The following SDC1 variants were observed in gnomAD, a reference collection of about 807,000 sequenced individuals.
SDC1 encodes the protein syndecan 1, also known as syndecan-1.
SDC1 carries 14 observed loss-of-function variants against 29.7 expected under a neutral mutation model. That is an observed-to-expected ratio of 0.47 (90% CI 0.31 to 0.74). The LOEUF is 0.74. Among genes scored for constraint, SDC1 ranks in the 30% least tolerant of loss-of-function variants. The pLI, the probability that SDC1 is intolerant of heterozygous loss-of-function variation, is 0.05. For missense variants in SDC1, 406 were observed against 400.3 expected (o/e 1.01, Z -0.12); for synonymous variants, 204 against 175.5 (o/e 1.16, Z -1.29).
rs561168045 is a variant in SDC1 at position 20,201,347 on chromosome 2, G to T, written c.*1419C>A. The stretch of plus-strand genomic sequence containing the variant: ...AAACAAAAAAGCAAATACACAGAGG[G>T]ACCCTGGAACCAGAATCCCTCCCCA... On this transcript the variant is annotated 3_prime_UTR_variant, in exon 5 of 5. Transcript: ENST00000254351. 6.6e-6 allele frequency: 1 copy of T among 152,190 alleles called. No homozygotes were observed. Among genetic ancestry groups the T allele is most frequent in the African/African-American group, 2.4e-5 (1 of 41,438 alleles). The allele number at this position is 152,190 out of a possible 1,614,324, so 9.4% of individuals were successfully genotyped here.
rs1320332760 is a variant in SDC1, at chr2:20,225,024, C to T, written c.-157G>A. On this transcript the variant is annotated 5_prime_UTR_variant, in exon 1 of 5. Transcript: ENST00000254351. ...GGGTCCGCCGGCTGGAGTCCGCTCT[C>T]TACTGCCGGATTCCTCTCCGCTCGG... 1 of 921,002 alleles carries T rather than the reference C, an allele frequency of 1.1e-6. No individual in the cohort carries two copies. Among genetic ancestry groups the T allele is most frequent in the Admixed American group, 4.7e-5 (1 of 21,142 alleles). 57.1% of individuals were successfully genotyped at this position (921,002 alleles called of 1,614,324 possible).
chr2:20,203,663 G>A (rs1447864465), intron 3 of SDC1, 150 bp downstream of exon 3: 1 of 674,536 alleles, frequency 1.5e-6, no homozygotes, highest in Non-Finnish European at 2.6e-6. Flanking sequence ...CTCTGGGCGA[G>A]GCCCTGGGGG....
At chr2:20,207,896 T>C (rs577341980) in intron 1 of SDC1, 1 of 958,342 alleles carries the variant, frequency 1.0e-6, no homozygotes, top group African/African-American at 1.8e-5. Flanking sequence ...CACCGGGGGA[T>C]CACAGAGTGG....
At chr2:20,212,389 G>A (rs575040987) in intron 1 of SDC1, among the ~76,000 whole-genome samples, 3 of 152,330 alleles carry the variant, frequency 2.0e-5, no homozygotes, top group South Asian at 2.1e-4. Context: ...CACAGGCCAG[G>A]AGACACTGGG....
Position 20,202,712 on chromosome 2 carries a change from A to G in SDC1, c.*54T>C. 1 of 1,509,706 alleles carries G rather than the reference A, an allele frequency of 6.6e-7. No individual in the cohort carries two copies. The highest frequency in any genetic ancestry group is 8.9e-7 in the Non-Finnish European group (1 of 1,118,816). The allele number at this position is 1,509,706 out of a possible 1,614,324, so 93.5% of individuals were successfully genotyped here. ...CAGGGCCTGCAGTTCTTCAAGGAAG[A>G]GGCAAGTGGGGGCCTAGTGAGTGGC... On this transcript the variant is annotated 3_prime_UTR_variant, in exon 5 of 5. Coordinates refer to ENST00000254351, the MANE Select transcript of SDC1 (RefSeq NM_002997.5).
At chr2:20,213,107 C>T (rs1484660556) in intron 1 of SDC1, among the ~76,000 whole-genome samples, 2 of 152,134 alleles carry the variant, frequency 1.3e-5, no homozygotes, top group African/African-American at 2.4e-5. Context: ...CTCATGCCAG[C>T]TCCGATGCCC....
At position 20,202,826 on chromosome 2, in the gene SDC1, C is replaced by T. The variant is rs763262288; in HGVS notation, c.873G>A (p.Pro291=). 9.9e-6 allele frequency: 16 copies of T among 1,613,686 alleles called. No individual in the cohort carries two copies. The highest frequency in any genetic ancestry group is 2.2e-5 in the East Asian group (1 of 44,876). The change falls in exon 5 of 5, where the codon CCG becomes CCA. Residue 291 remains proline (P), a synonymous_variant. Transcript: ENST00000254351. Reference sequence around the variant, plus strand: ...GGTAGGCCCCGCCGTTGGCTTGTTTCGGCTCCTCCAAGGAGTAGCTGCCTT... The same window carrying T: ...GGTAGGCCCCGCCGTTGGCTTGTTTTGGCTCCTCCAAGGAGTAGCTGCCTT... The part of the protein sequence containing the change: ...KDEGSYSLEE[P]KQANGGAYQK...
chr2:20,212,207 G>T (rs1414020563), intron 1 of SDC1, among the ~76,000 whole-genome samples: 1 of 152,252 alleles, frequency 6.6e-6, no homozygotes, highest in Non-Finnish European at 1.5e-5. Flanking sequence ...TCACCAGAGG[G>T]TGGCCCAGGG....
intron 1 of SDC1, among the ~76,000 whole-genome samples, chr2:20,210,672 C>G (rs1677438868): frequency 6.6e-6 from 1 of 152,230 alleles, no homozygotes; most frequent in African/African-American, 2.4e-5. Flanking sequence ...CAAACCCCAA[C>G]AAACCAGGGA....
chr2:20,208,085 A>G, intron 1 of SDC1: 4 of 985,468 alleles, frequency 4.1e-6, no homozygotes, highest in Non-Finnish European at 4.8e-6. Context: ...CGAATCTTTC[A>G]GCAGAAGCTA....
intron 1 of SDC1, among the ~76,000 whole-genome samples, chr2:20,208,752 A>T (rs977528104): frequency 6.6e-6 from 1 of 152,194 alleles, no homozygotes; most frequent in South Asian, 2.1e-4. Flanking sequence ...AAGGCTGCTC[A>T]GGAACAGGTG....
At chr2:20,216,193 C>A (rs1677621505) in intron 1 of SDC1, among the ~76,000 whole-genome samples, 1 of 152,246 alleles carries the variant, frequency 6.6e-6, no homozygotes, top group Admixed American at 6.5e-5. Flanking sequence ...CAGGGAAACT[C>A]CTCCTGTGCT....
chr2:20,224,725 C>A lies in SDC1; in HGVS notation c.66+77G>T. On this transcript the variant is annotated intron_variant, in intron 1 of 4. Transcript: ENST00000254351. The surrounding 1 kb of genome is among the most constrained non-coding windows in gnomAD (Gnocchi z 4.9). ...AGTCTTCGCTCCCCCTCCCCCTCCA[C>A]GTGCACCCGCCGGCATCCGCGGGTG... is the stretch of plus-strand genomic sequence containing the variant. 8.1e-7 allele frequency: 1 copy of A among 1,236,186 alleles called. No individual in the cohort carries two copies. Among genetic ancestry groups the A allele is most frequent in the East Asian group, 3.5e-5 (1 of 28,784 alleles). 76.6% of individuals were successfully genotyped at this position (1,236,186 alleles called of 1,614,324 possible). A position where few individuals can be genotyped will look rare whatever the true frequency, so the allele number is the denominator to read the frequency against.
At chr2:20,221,483 G>C (rs1274222404) in intron 1 of SDC1, among the ~76,000 whole-genome samples, 1 of 152,184 alleles carries the variant, frequency 6.6e-6, no homozygotes, top group Non-Finnish European at 1.5e-5. Flanking sequence ...ACAATGATGA[G>C]GAGGACGACC....
intron 1 of SDC1, among the ~76,000 whole-genome samples, chr2:20,212,559 G>A (rs1677499882): frequency 6.6e-6 from 1 of 152,226 alleles, no homozygotes; most frequent in African/African-American, 2.4e-5. Context: ...CCCCACTGAA[G>A]CCATTCCCAG....
chr2:20,212,096 G>A (rs531566655), intron 1 of SDC1, among the ~76,000 whole-genome samples: 1 of 128,182 alleles, frequency 7.8e-6, no homozygotes, highest in Non-Finnish European at 1.7e-5. Flanking sequence ...TGACAGGCTG[G>A]CCCCGCGGCT....
chr2:20,215,741 G>A (rs1677607359), intron 1 of SDC1, among the ~76,000 whole-genome samples: 3 of 152,334 alleles, frequency 2.0e-5, no homozygotes, highest in East Asian at 1.9e-4. Flanking sequence ...GTGAAGAATC[G>A]TGCTCACGAT....
At chr2:20,204,946 C>T (rs1322760893) in intron 2 of SDC1, among the ~76,000 whole-genome samples, 4 of 152,244 alleles carry the variant, frequency 2.6e-5, no homozygotes, top group Admixed American at 6.5e-5. Flanking sequence ...TGCTGCCTTA[C>T]AGCTCCACAA....
chr2:20,220,441 T>C (rs112839793), intron 1 of SDC1, among the ~76,000 whole-genome samples: 1 of 152,190 alleles, frequency 6.6e-6, no homozygotes, highest in Non-Finnish European at 1.5e-5. Flanking sequence ...AGGCCTCAGC[T>C]TCCTCATCCA....
Sources: allele counts gnomAD v4.1 joint callset (sites outside exome capture counted in the v4.1 genomes callset), GRCh38; gene constraint gnomAD v4.1.1; non-coding constraint Gnocchi (gnomAD v3.1); transcripts MANE v1.5; gene names NCBI Gene and HGNC (gene_info 2026-07-23, HGNC 2026-07-21).